ESRRG: variants seen among roughly 807,000 people sequenced by gnomAD.
ESRRG encodes estrogen related receptor gamma.
In ESRRG, 13 loss-of-function variants were observed where a neutral mutation model predicts 44.0. The observed-to-expected ratio is 0.30, with a 90% CI of 0.19 to 0.47. The LOEUF is 0.47. Among genes scored for constraint, ESRRG ranks in the 20% least tolerant of loss-of-function variants. The pLI, the probability that ESRRG is intolerant of heterozygous loss-of-function variation, is 1.00. For synonymous variants in ESRRG, 215 were observed against 214.6 expected (o/e 1.00, Z -0.02); for missense variants, 395 against 580.6 (o/e 0.68, Z 3.29).
At chr1:216,531,895 T>C (rs2049464542) in intron 5 of ESRRG, among the ~76,000 whole-genome samples, 1 of 152,184 alleles carries the variant, frequency 6.6e-6, no homozygotes, top group South Asian at 2.1e-4. Flanking sequence ...ACCTCTCTCC[T>C]AGGCTGTGAC....
intron 3 of ESRRG, among the ~76,000 whole-genome samples, chr1:216,575,106 C>G (rs765065010): frequency 1.3e-5 from 2 of 152,058 alleles, no homozygotes; most frequent in African/African-American, 4.8e-5. Flanking sequence ...GGTTCTCCTT[C>G]GGGACAATAT....
intron 2 of ESRRG, among the ~76,000 whole-genome samples, chr1:216,919,761 AAGC>A (rs1322106039): frequency 6.6e-6 from 1 of 152,190 alleles, no homozygotes; most frequent in Non-Finnish European, 1.5e-5. Flanking sequence ...TTTGAATTTT[AAGC>A]AGAACCATGC....
intron 1 of ESRRG, among the ~76,000 whole-genome samples, chr1:216,709,663 G>GC (rs1018385189): frequency 6.6e-6 from 1 of 150,624 alleles, no homozygotes; most frequent in African/African-American, 2.5e-5. Flanking sequence ...TTTTTTGCCA[G>GC]CTTTTTTTTC....
In ESRRG at chr1:216,960,580, G is replaced by GTGTTTGTTTGTT. The variant is rs111805075; in HGVS notation, c.-105-20919_-105-20908dup. ...TACTACGCTTTTATGACTCCTCCAT[G>GTGTTTGTTTGTT]TGTTTGTTTGTTTGTTTGTTTGTGG... On this transcript the variant is annotated intron_variant, in intron 1 of 7. Transcript: ENST00000359162. 4.1e-3 allele frequency among the ~76,000 whole-genome samples: 612 copies of GTGTTTGTTTGTT among 150,448 alleles called. 5 individuals carry two copies. Among genetic ancestry groups the GTGTTTGTTTGTT allele is most frequent in the South Asian group, 0.015 (73 of 4,742 alleles).
intron 2 of ESRRG, among the ~76,000 whole-genome samples, chr1:216,743,641 C>T (rs1390826159): frequency 6.7e-6 from 1 of 150,220 alleles, no homozygotes; most frequent in Non-Finnish European, 1.5e-5. Flanking sequence ...CCATTGCCAT[C>T]ATCTTCACTG....
At chr1:216,986,085 T>C (rs1207606615) in intron 1 of ESRRG, among the ~76,000 whole-genome samples, 4 of 152,032 alleles carry the variant, frequency 2.6e-5, no homozygotes, top group South Asian at 2.1e-4. Flanking sequence ...ACATTTCCTA[T>C]AGCAAGATAT....
intron 2 of ESRRG, among the ~76,000 whole-genome samples, chr1:216,796,439 G>A (rs913565256): frequency 6.6e-6 from 1 of 152,118 alleles, no homozygotes; most frequent in African/African-American, 2.4e-5. Context: ...CTCCCTAGAA[G>A]ATCACCCTGA....
intron 2 of ESRRG, among the ~76,000 whole-genome samples, chr1:216,729,302 C>T (rs542206236): frequency 1.3e-5 from 2 of 152,174 alleles, no homozygotes; most frequent in African/African-American, 4.8e-5. Context: ...CAATAGTGCC[C>T]CCGTTTGGAG....
chr1:216,512,531 TAATAA>T (rs1292739176), intron 6 of ESRRG, among the ~76,000 whole-genome samples: 1 of 152,048 alleles, frequency 6.6e-6, no homozygotes, highest in Non-Finnish European at 1.5e-5. Context: ...AAAAAAACTA[TAATAA>T]AATAAAAGGA....
chr1:216,853,037 C>A lies in ESRRG; in HGVS notation c.-14+86545G>T, dbSNP rs11572559. 4.1e-3 allele frequency among the ~76,000 whole-genome samples: 618 copies of A among 152,284 alleles called. 6 individuals carry two copies. Among genetic ancestry groups the A allele is most frequent in the Middle Eastern group, 6.8e-3 (2 of 294 alleles). Reference sequence around the variant, plus strand: ...CTCTCAGCCTATTAGAACCCCTGTCCTTTACAAACAGTTCCCAAACTTTGT... The same window carrying A: ...CTCTCAGCCTATTAGAACCCCTGTCATTTACAAACAGTTCCCAAACTTTGT... On this transcript the variant is annotated intron_variant, in intron 2 of 7. Coordinates refer to the ESRRG transcript ENST00000359162.
chr1:216,635,491 A>T (rs1337973000), intron 3 of ESRRG, among the ~76,000 whole-genome samples: 2 of 152,222 alleles, frequency 1.3e-5, no homozygotes, highest in African/African-American at 4.8e-5. Context: ...AAATGCTAGA[A>T]CTGAATGAAC....
At chr1:216,795,609 G>A (rs1432317126) in intron 2 of ESRRG, among the ~76,000 whole-genome samples, 1 of 151,666 alleles carries the variant, frequency 6.6e-6, no homozygotes, top group Non-Finnish European at 1.5e-5. Context: ...CCAAAGTGCT[G>A]GGATTACAGG....
At chr1:216,637,210 G>A (rs1321746196) in intron 3 of ESRRG, among the ~76,000 whole-genome samples, 1 of 152,112 alleles carries the variant, frequency 6.6e-6, no homozygotes, top group Non-Finnish European at 1.5e-5. Flanking sequence ...TAGTCTACAC[G>A]GAAGGGGTGC....
At chr1:216,859,262 A>G (rs1309283737) in intron 2 of ESRRG, among the ~76,000 whole-genome samples, 1 of 152,192 alleles carries the variant, frequency 6.6e-6, no homozygotes, top group East Asian at 1.9e-4. Flanking sequence ...GATTAGAAAC[A>G]AATAAGGTAA....
At chr1:216,759,975 C>T (rs113620124) in intron 2 of ESRRG, among the ~76,000 whole-genome samples, 3,425 of 152,236 alleles carry the variant, frequency 0.022, 57 homozygotes, top group Non-Finnish European at 0.031. Flanking sequence ...ACACATGTCA[C>T]TTCTTCAGGG....
intron 1 of ESRRG, among the ~76,000 whole-genome samples, chr1:217,046,197 T>C (rs1287525901): frequency 6.6e-6 from 1 of 152,098 alleles, no homozygotes; most frequent in Non-Finnish European, 1.5e-5. Context: ...GTGCTAACTT[T>C]TTCTACTTAT....
chr1:216,917,325 A>C (rs984761290), intron 2 of ESRRG, among the ~76,000 whole-genome samples: 1 of 152,102 alleles, frequency 6.6e-6, no homozygotes, highest in African/African-American at 2.4e-5. Flanking sequence ...AGTAGTGACT[A>C]TACGAGTGTG....
At chr1:216,903,216 C>G (rs1206214203) in intron 2 of ESRRG, among the ~76,000 whole-genome samples, 1 of 152,126 alleles carries the variant, frequency 6.6e-6, no homozygotes, top group African/African-American at 2.4e-5. Context: ...CTACATAATG[C>G]TGCACTGCAG....
At chr1:216,736,646 C>G (rs192535624) in intron 2 of ESRRG, among the ~76,000 whole-genome samples, 2 of 152,156 alleles carry the variant, frequency 1.3e-5, no homozygotes, top group African/African-American at 4.8e-5. Flanking sequence ...TCATCTGTAC[C>G]CTTGCGCTAG....
Sources: allele counts gnomAD v4.1 joint callset (sites outside exome capture counted in the v4.1 genomes callset), GRCh38; gene constraint gnomAD v4.1.1; transcripts MANE v1.5; gene names NCBI Gene and HGNC (gene_info 2026-07-23, HGNC 2026-07-21).